Variants in STAT5A observed in about 807,000 individuals in gnomAD.
STAT5A encodes signal transducer and activator of transcription 5A, also known as epididymis secretory sperm binding protein.
A neutral mutation model predicts 100.2 loss-of-function variants in STAT5A; 26 were observed. The observed-to-expected ratio is 0.26, with a 90% CI of 0.19 to 0.36. The LOEUF (loss-of-function observed/expected upper bound fraction) is 0.36, where lower values mean the gene tolerates loss of function less well. Among genes scored for constraint, STAT5A ranks in the 10% least tolerant of loss-of-function variants. The pLI is 1.00. For synonymous variants in STAT5A, 330 were observed against 424.3 expected, an observed-to-expected ratio of 0.78 and a Z score of 2.73; for missense variants, 634 against 1,027.5, an observed-to-expected ratio of 0.62 and a Z score of 5.24.
In STAT5A at chr17:42,295,708, G is replaced by T. The variant is rs202199601; in HGVS notation, c.465G>T (p.Thr155=). The T allele has an allele frequency of 1.2e-6, 2 of 1,613,788 alleles. No individual in the cohort carries two copies. Among genetic ancestry groups the T allele is most frequent in the Non-Finnish European group, 1.7e-6 (2 of 1,179,884 alleles). ...CATTTGAGGAGCTGCGACTGGTCACGCAGGACACAGAGAATGAGCTGAAGA... is the reference window on the plus strand; with the variant it reads ...CATTTGAGGAGCTGCGACTGGTCACTCAGGACACAGAGAATGAGCTGAAGA... The part of the protein sequence containing the change: ...NQTFEELRLV[T]QDTENELKKL... The change falls in exon 5 of 19, where the codon ACG becomes ACT. Residue 155 remains threonine, a synonymous_variant. Coordinates refer to ENST00000590949, the MANE Select transcript of STAT5A (RefSeq NM_001288718.2).
intron 4 of STAT5A, 132 bp downstream of exon 4, chr17:42,292,193 G>A: frequency 1.8e-6 from 2 of 1,141,706 alleles, no homozygotes; most frequent in Non-Finnish European, 2.5e-6. Flanking sequence ...GTGGGCAAGT[G>A]TAAGAGGTGG....
intron 13 of STAT5A, among the ~76,000 whole-genome samples, chr17:42,306,775 A>C (rs1488229900): frequency 6.6e-6 from 1 of 151,788 alleles, no homozygotes; most frequent in Admixed American, 6.6e-5. Flanking sequence ...GCTGGAGTGC[A>C]GTGGCGTGAT....
At chr17:42,302,178 A>G (rs561698613) in intron 9 of STAT5A, among the ~76,000 whole-genome samples, 1 of 152,204 alleles carries the variant, frequency 6.6e-6, no homozygotes, top group Non-Finnish European at 1.5e-5. Flanking sequence ...AAAAAATCAC[A>G]CAAAGTATGG....
chr17:42,293,469 T>C (rs1194488673), intron 4 of STAT5A, among the ~76,000 whole-genome samples: 1 of 152,196 alleles, frequency 6.6e-6, no homozygotes, highest in Non-Finnish European at 1.5e-5. Context: ...CCTCCCGAAG[T>C]GCTGGGATTA....
At chr17:42,303,872 G>A (rs2054840513) in intron 9 of STAT5A, among the ~76,000 whole-genome samples, 1 of 152,058 alleles carries the variant, frequency 6.6e-6, no homozygotes, top group African/African-American at 2.4e-5. Flanking sequence ...GGCTAAGAGT[G>A]TTTGGGGTGA....
Position 42,310,655 on chromosome 17 carries a change from G to A in STAT5A, c.2371G>A (p.Gly791Ser). 6.2e-7 allele frequency: 1 copy of A among 1,614,162 alleles called. No homozygotes were observed. The highest frequency in any genetic ancestry group is 8.5e-7 in the Non-Finnish European group (1 of 1,180,026). Residue 791 changes from glycine to serine, a missense_variant, in exon 19 of 19, where the codon GGC becomes AGC. Around this residue, in one of 5 missense-constraint regions of STAT5A, gnomAD observed 88 missense variants for 95.1 expected, o/e 0.92. Coordinates refer to ENST00000590949, the MANE Select transcript of STAT5A (RefSeq NM_001288718.2). Reference sequence around the variant, plus strand: ...TGCCGGTCTTTTCACCTCTGCCAGAGGCTCCCTCTCATGAATGTTTGAATC... The same window carrying A: ...TGCCGGTCTTTTCACCTCTGCCAGAAGCTCCCTCTCATGAATGTTTGAATC... ...PPAGLFTSAR[G>S]SLS is the part of the protein sequence containing the mutation.
chr17:42,298,961 GTCTGTCTA>G lies in STAT5A; in HGVS notation c.551-782_551-775del, dbSNP rs1476223730. ...GCCCTGGACACGCTCTCCCTCTGCG[GTCTGTCTA>G]TCTGTCTGTCTCCCCTGGTTGGTCG... On this transcript the variant is annotated intron_variant, in intron 5 of 18. Transcript: ENST00000590949. 5.9e-5 allele frequency among the ~76,000 whole-genome samples: 9 copies of G among 151,872 alleles called. No individual in the cohort carries two copies. In the East Asian group the frequency reaches 7.8e-4, roughly 13 times the overall value.
chr17:42,301,580 T>C, intron 9 of STAT5A, 126 bp downstream of exon 9: 1 of 1,393,238 alleles, frequency 7.2e-7, no homozygotes, highest in Non-Finnish European at 9.8e-7. Flanking sequence ...GGTCTCGAAC[T>C]CCTGGACTCA....
rs748317864 is a variant in STAT5A, at chr17:42,304,403, A to T, written c.1231A>T (p.Thr411Ser). ...CVMEYHQATG[T>S]LSAHFRNMSL... Reference sequence around the variant, plus strand: ...GATGGAGTACCACCAAGCCACGGGCACCCTCAGTGCCCACTTCAGGAACAT... The same window carrying T: ...GATGGAGTACCACCAAGCCACGGGCTCCCTCAGTGCCCACTTCAGGAACAT... The change falls in exon 10 of 19, where the codon ACC becomes TCC. Residue 411 changes from threonine to serine, a missense_variant. Coordinates refer to ENST00000590949, the MANE Select transcript of STAT5A (RefSeq NM_001288718.2). The surrounding 1 kb of genome is among the most constrained non-coding windows in gnomAD (Gnocchi z 4.8). 7 of 1,614,190 alleles carry T rather than the reference A, an allele frequency of 4.3e-6. 1 individual carries two copies. The South Asian group carries it at 5.5e-5, about 13-fold the overall frequency.
intron 13 of STAT5A, 42 bp downstream of exon 13, chr17:42,306,489 G>A (rs2081030094): frequency 6.3e-7 from 1 of 1,576,586 alleles, no homozygotes; most frequent in Admixed American, 1.9e-5. Context: ...GGCCCACCGG[G>A]GTCTGTTGCT....
Position 42,304,224 on chromosome 17 carries a change from A to G in STAT5A, c.1170-118A>G, listed in dbSNP as rs1431669438. 1.1e-6 allele frequency: 1 copy of G among 901,340 alleles called. No individual in the cohort carries two copies. Among genetic ancestry groups the G allele is most frequent in the African/African-American group, 1.7e-5 (1 of 60,236 alleles). 55.8% of individuals were successfully genotyped at this position (901,340 alleles called of 1,614,324 possible). On this transcript the variant is annotated intron_variant, in intron 9 of 18. Transcript: ENST00000590949. This position sits in a 1 kb window ranked among gnomAD's most constrained non-coding sequence, Gnocchi z 4.8. ...ACGCCAAGAAACACTCTTAGGGGATACGGGGCAGGGGCTGCTGGCAGGGCT... is the reference window on the plus strand; with the variant it reads ...ACGCCAAGAAACACTCTTAGGGGATGCGGGGCAGGGGCTGCTGGCAGGGCT...
chr17:42,290,181 C>T lies in STAT5A; in HGVS notation c.285+159C>T, dbSNP rs535662182. On this transcript the variant is annotated intron_variant, in intron 3 of 18. Coordinates refer to ENST00000590949, the MANE Select transcript of STAT5A (RefSeq NM_001288718.2). Reference sequence around the variant, plus strand: ...TTCCCCCACCCCCTCTTTCTAAATTCGACCTGTCGGATTTCTTTAGCATAT... The same window carrying T: ...TTCCCCCACCCCCTCTTTCTAAATTTGACCTGTCGGATTTCTTTAGCATAT... 1.4e-5 allele frequency: 16 copies of T among 1,103,760 alleles called. No individual in the cohort carries two copies. In the African/African-American group the frequency reaches 1.6e-4, roughly 11 times the overall value. 68.4% of individuals were successfully genotyped at this position (1,103,760 alleles called of 1,614,324 possible).
At chr17:42,309,829 G>T in intron 18 of STAT5A, 1 of 237,230 alleles carries the variant, frequency 4.2e-6, no homozygotes. Flanking sequence ...GGCTTGGAAG[G>T]GCTTGATACA....
chr17:42,295,567 G>T, intron 4 of STAT5A, 52 bp from the exon 5 acceptor site: 5 of 1,575,678 alleles, frequency 3.2e-6, no homozygotes, highest in Non-Finnish European at 4.3e-6. Context: ...AATGCCTGTG[G>T]TCTTCTCCCA....
At chr17:42,292,403 A>G (rs1343055855) in intron 4 of STAT5A, among the ~76,000 whole-genome samples, 1 of 151,198 alleles carries the variant, frequency 6.6e-6, no homozygotes, top group Non-Finnish European at 1.5e-5. Flanking sequence ...ATCTCGGCTC[A>G]CTGCAAGCTC....
chr17:42,301,800 C>T (rs991401796), intron 9 of STAT5A, among the ~76,000 whole-genome samples: 1 of 152,196 alleles, frequency 6.6e-6, no homozygotes, highest in Non-Finnish European at 1.5e-5. Context: ...ACAATCATGT[C>T]AAACCATCAT....
At chr17:42,299,726 C>T in intron 5 of STAT5A, 25 bp from the exon 6 acceptor site, 2 of 1,614,132 alleles carry the variant, frequency 1.2e-6, no homozygotes, top group Middle Eastern at 3.3e-4. Flanking sequence ...AGGTGATGGT[C>T]ATGGTTTCCT....
chr17:42,293,700 C>A (rs953659351), intron 4 of STAT5A, among the ~76,000 whole-genome samples: 5 of 152,226 alleles, frequency 3.3e-5, no homozygotes, highest in Non-Finnish European at 7.3e-5. Context: ...GTGGAAAAAG[C>A]ACCCAACTCA....
intron 9 of STAT5A, among the ~76,000 whole-genome samples, chr17:42,302,343 G>A (rs1028197874): frequency 1.3e-5 from 2 of 152,222 alleles, no homozygotes; most frequent in African/African-American, 4.8e-5. Context: ...GCAGGGGGAT[G>A]TGTAGGGCAC....
Sources: allele counts gnomAD v4.1 joint callset (sites outside exome capture counted in the v4.1 genomes callset), GRCh38; gene constraint gnomAD v4.1.1; regional missense constraint gnomAD v4.1.1; non-coding constraint Gnocchi (gnomAD v3.1); transcripts MANE v1.5; gene names NCBI Gene and HGNC (gene_info 2026-07-23, HGNC 2026-07-21).